The following BRINP2 variants were observed in gnomAD, a reference collection of about 807,000 sequenced individuals.
BRINP2 encodes the protein BMP/retinoic acid-inducible neural-specific protein 2.
BRINP2 carries 21 observed loss-of-function variants against 69.2 expected under a neutral mutation model. The observed-to-expected ratio is 0.30, with a 90% confidence interval of 0.22 to 0.44. BRINP2 has a LOEUF of 0.44. Ranked by LOEUF, BRINP2 falls within the 20% of genes least tolerant of loss-of-function variation. BRINP2 has a pLI of 1.00. For synonymous variants in BRINP2, 380 were observed against 394.1 expected (o/e 0.96, Z 0.42); for missense variants, 877 against 986.0 (o/e 0.89, Z 1.48).
At chr1:177,276,084 G>A (rs1651484191) in intron 5 of BRINP2, 114 bp from the exon 6 acceptor site, 2 of 990,120 alleles carry the variant, frequency 2.0e-6, no homozygotes, top group East Asian at 4.8e-5. Flanking sequence ...CCATGCTTGG[G>A]CCCAGGATGC....
chr1:177,233,038 C>T (rs944961498), intron 2 of BRINP2, among the ~76,000 whole-genome samples: 2 of 152,154 alleles, frequency 1.3e-5, no homozygotes, highest in Non-Finnish European at 2.9e-5. Context: ...TTCTCTTCTA[C>T]CTGTTGAACA....
chr1:177,255,398 C>G (rs1215222544), intron 2 of BRINP2, among the ~76,000 whole-genome samples: 1 of 152,132 alleles, frequency 6.6e-6, no homozygotes, highest in Non-Finnish European at 1.5e-5. Flanking sequence ...CTCAATAGCT[C>G]TAAGCCACAT....
chr1:177,244,192 T>C (rs1032080340), intron 2 of BRINP2, among the ~76,000 whole-genome samples: 2 of 152,212 alleles, frequency 1.3e-5, no homozygotes, highest in Admixed American at 1.3e-4. Context: ...GAAAGAAATA[T>C]GGGATACTGG....
At chr1:177,272,943 T>C (rs1478106128) in intron 4 of BRINP2, among the ~76,000 whole-genome samples, 1 of 152,262 alleles carries the variant, frequency 6.6e-6, no homozygotes, top group Admixed American at 6.5e-5. Context: ...AATATACTTA[T>C]TAAAATATGC....
At chr1:177,271,414 G>C (rs58720847) in intron 4 of BRINP2, among the ~76,000 whole-genome samples, 1 of 152,324 alleles carries the variant, frequency 6.6e-6, no homozygotes, top group East Asian at 1.9e-4. Context: ...GGCATGTAAA[G>C]GGTTTAGACT....
chr1:177,189,790 C>T (rs894384773), intron 1 of BRINP2, among the ~76,000 whole-genome samples: 1 of 152,178 alleles, frequency 6.6e-6, no homozygotes, highest in African/African-American at 2.4e-5. Flanking sequence ...GTCACTAAAG[C>T]AGGTTGTCTA....
intron 1 of BRINP2, among the ~76,000 whole-genome samples, chr1:177,199,716 T>G (rs1203370363): frequency 6.6e-6 from 1 of 152,212 alleles, no homozygotes; most frequent in East Asian, 1.9e-4. Flanking sequence ...GTCCCAAGAT[T>G]GTTTTGTTGA....
intron 1 of BRINP2, among the ~76,000 whole-genome samples, chr1:177,205,255 C>T (rs1324336453): frequency 2.0e-5 from 3 of 152,104 alleles, no homozygotes; most frequent in Admixed American, 1.3e-4. Flanking sequence ...ATTCTACTGC[C>T]TCAGCCTCCT....
intron 1 of BRINP2, among the ~76,000 whole-genome samples, chr1:177,224,877 T>C (rs1272093337): frequency 6.6e-6 from 1 of 152,202 alleles, no homozygotes. Flanking sequence ...TCATACCTAT[T>C]TTACCTTTTC....
intron 1 of BRINP2, among the ~76,000 whole-genome samples, chr1:177,176,858 G>A (rs139658365): frequency 6.6e-6 from 1 of 152,244 alleles, no homozygotes; most frequent in East Asian, 1.9e-4. Context: ...GAGCCGGTGG[G>A]TGGCTTGGTA....
chr1:177,230,652 G>T (rs1558168497), intron 2 of BRINP2, among the ~76,000 whole-genome samples: 1 of 152,222 alleles, frequency 6.6e-6, no homozygotes, highest in South Asian at 2.1e-4. Flanking sequence ...CCCAGGCTCC[G>T]CAGGCCTTGT....
intron 1 of BRINP2, among the ~76,000 whole-genome samples, chr1:177,205,164 A>G (rs1038030653): frequency 1.3e-5 from 2 of 152,020 alleles, no homozygotes; most frequent in African/African-American, 4.8e-5. Flanking sequence ...TTTTTTTGAG[A>G]TGGAGTTTCA....
chr1:177,241,869 A>T (rs1650215480), intron 2 of BRINP2, among the ~76,000 whole-genome samples: 2 of 152,228 alleles, frequency 1.3e-5, no homozygotes, highest in African/African-American at 4.8e-5. Flanking sequence ...CTGAAATCTC[A>T]GTGCTTCGAG....
intron 4 of BRINP2, among the ~76,000 whole-genome samples, chr1:177,261,455 A>G (rs142294093): frequency 2.0e-5 from 3 of 152,376 alleles, no homozygotes; most frequent in African/African-American, 7.2e-5. Context: ...TGCAAGATTT[A>G]TGGCCTGAGC....
At chr1:177,184,876 G>A (rs922603512) in intron 1 of BRINP2, among the ~76,000 whole-genome samples, 3 of 152,058 alleles carry the variant, frequency 2.0e-5, no homozygotes, top group East Asian at 1.9e-4. Flanking sequence ...TACAAAATTA[G>A]GGATGTGTTT....
intron 6 of BRINP2, among the ~76,000 whole-genome samples, chr1:177,277,080 CTAAA>C (rs1392088626): frequency 6.6e-6 from 1 of 151,986 alleles, no homozygotes; most frequent in Non-Finnish European, 1.5e-5. Flanking sequence ...CATTTCAACA[CTAAA>C]TGAATGATAT....
chr1:177,244,160 G>A (rs1308643408), intron 2 of BRINP2, among the ~76,000 whole-genome samples: 5 of 152,204 alleles, frequency 3.3e-5, no homozygotes, highest in Non-Finnish European at 5.9e-5. Flanking sequence ...TGTGATACTT[G>A]TGAAAAAAAT....
At chr1:177,222,344 C>T (rs1649561983) in intron 1 of BRINP2, among the ~76,000 whole-genome samples, 1 of 151,964 alleles carries the variant, frequency 6.6e-6, no homozygotes, top group Non-Finnish European at 1.5e-5. Flanking sequence ...TGGCGTCTCA[C>T]TCTATTGCCC....
chr1:177,269,242 C>G (rs1651230614), intron 4 of BRINP2, among the ~76,000 whole-genome samples: 2 of 152,242 alleles, frequency 1.3e-5, no homozygotes, highest in Non-Finnish European at 2.9e-5. Context: ...CTGATAAATA[C>G]TGTGAATATC....
Sources: allele counts gnomAD v4.1 joint callset (sites outside exome capture counted in the v4.1 genomes callset), GRCh38; gene constraint gnomAD v4.1.1; transcripts MANE v1.5; gene names NCBI Gene and HGNC (gene_info 2026-07-23, HGNC 2026-07-21).